Variants in CTIF observed in about 807,000 individuals in gnomAD.
CTIF encodes the protein cap binding complex dependent translation initiation factor.
In CTIF, 21 loss-of-function variants were observed where a neutral mutation model predicts 66.0. The observed-to-expected ratio is 0.32, with a 90% CI of 0.23 to 0.46. The LOEUF is 0.46. CTIF is among the 20% of genes least tolerant of loss of function. The pLI, the probability that CTIF is intolerant of heterozygous loss-of-function variation, is 1.00. For missense variants in CTIF, 739 were observed against 812.7 expected, an observed-to-expected ratio of 0.91 and a Z score of 1.10; for synonymous variants, 345 against 326.4, an observed-to-expected ratio of 1.06 and a Z score of -0.62.
intron 9 of CTIF, among the ~76,000 whole-genome samples, chr18:48,809,226 A>G (rs893082146): frequency 6.6e-6 from 1 of 152,138 alleles, no homozygotes; most frequent in African/African-American, 2.4e-5. Context: ...TTTGTATCTA[A>G]ATATTCTTAT....
chr18:48,650,772 T>C (rs973758904), intron 3 of CTIF, among the ~76,000 whole-genome samples: 8 of 151,908 alleles, frequency 5.3e-5, no homozygotes, highest in Non-Finnish European at 1.2e-4. Flanking sequence ...TAACAGCAGA[T>C]CTCTTGGCAG....
intron 1 of CTIF, chr18:48,566,301 A>C (rs957722461): frequency 9.9e-5 from 15 of 152,270 alleles, no homozygotes; most frequent in African/African-American, 3.6e-4. Flanking sequence ...GTCCTGTTCT[A>C]GCTGCTGGGG....
chr18:48,756,606 T>G (rs1908388684), intron 7 of CTIF, among the ~76,000 whole-genome samples: 1 of 152,238 alleles, frequency 6.6e-6, no homozygotes, highest in Admixed American at 6.5e-5. Flanking sequence ...TTTTACAACC[T>G]TTGCAGAATT....
chr18:48,574,288 CCT>C (rs1376545432), intron 1 of CTIF, among the ~76,000 whole-genome samples: 10 of 152,160 alleles, frequency 6.6e-5, no homozygotes, highest in African/African-American at 2.2e-4. Context: ...TAAATAATTC[CCT>C]GACTATCCTG....
chr18:48,708,491 G>A (rs576845215), intron 6 of CTIF, among the ~76,000 whole-genome samples: 37 of 152,310 alleles, frequency 2.4e-4, no homozygotes, highest in African/African-American at 8.9e-4. Context: ...GAGGTTCCCG[G>A]TGCTGGAAGT....
In CTIF at chr18:48,669,148, G is replaced by A. The variant is rs190042621; in HGVS notation, c.432-1521G>A. On this transcript the variant is annotated intron_variant, in intron 5 of 11. Transcript: ENST00000256413. Reference sequence around the variant, plus strand: ...GCCCTGTTAGAGGAGTTTAGGATTTGTTCTAAGGGCCATCCACTGTCTGAG... The same window carrying A: ...GCCCTGTTAGAGGAGTTTAGGATTTATTCTAAGGGCCATCCACTGTCTGAG... Among the ~76,000 whole-genome samples, 226 of 151,222 alleles carry A rather than the reference G, an allele frequency of 1.5e-3. 2 individuals are homozygous for A. The highest frequency in any genetic ancestry group is 5.5e-3 in the African/African-American group (224 of 40,726).
At chr18:48,787,833 C>G (rs572823728) in intron 9 of CTIF, among the ~76,000 whole-genome samples, 2 of 152,302 alleles carry the variant, frequency 1.3e-5, no homozygotes, top group African/African-American at 4.8e-5. Flanking sequence ...CTGCTCCTCA[C>G]CCAGTTCCCC....
chr18:48,703,381 C>G (rs773566787), intron 6 of CTIF, among the ~76,000 whole-genome samples: 1 of 152,164 alleles, frequency 6.6e-6, no homozygotes, highest in Non-Finnish European at 1.5e-5. Flanking sequence ...GACCTCCCAC[C>G]CCTTCCCTGG....
chr18:48,761,696 G>A lies in CTIF; in HGVS notation c.1371+7G>A. The A allele has an allele frequency of 6.2e-7, 1 of 1,602,044 alleles. No individual in the cohort carries two copies. The highest frequency in any genetic ancestry group is 1.7e-5 in the Admixed American group (1 of 59,798). ...GCTCCTCAACATGCTGCAGGTAACT[G>A]GACGCCGGCCACCACCGCCCCGCGC... is the stretch of plus-strand genomic sequence containing the variant. On this transcript the variant is annotated splice_region_variant and intron_variant, in intron 9 of 11. Coordinates refer to ENST00000256413, the MANE Select transcript of CTIF (RefSeq NM_014772.3). The surrounding 1 kb of genome is among the most constrained non-coding windows in gnomAD (Gnocchi z 4.2).
At chr18:48,847,341 C>T (rs1237611425) in intron 10 of CTIF, among the ~76,000 whole-genome samples, 1 of 151,564 alleles carries the variant, frequency 6.6e-6, no homozygotes, top group Non-Finnish European at 1.5e-5. Flanking sequence ...TGAGCTCCAA[C>T]CAGCAAAATA....
intron 9 of CTIF, among the ~76,000 whole-genome samples, chr18:48,764,536 G>A (rs1475061745): frequency 1.3e-5 from 2 of 152,080 alleles, no homozygotes; most frequent in Non-Finnish European, 2.9e-5. Flanking sequence ...GAAAAGGAAG[G>A]CGCTGGAAGC....
chr18:48,793,550 C>T (rs2067840862), intron 9 of CTIF, among the ~76,000 whole-genome samples: 1 of 152,160 alleles, frequency 6.6e-6, no homozygotes, highest in African/African-American at 2.4e-5. Flanking sequence ...ATGTTTCCTC[C>T]CTCATGATGA....
At chr18:48,677,842 T>A (rs373979905) in intron 6 of CTIF, among the ~76,000 whole-genome samples, 1 of 152,202 alleles carries the variant, frequency 6.6e-6, no homozygotes, top group African/African-American at 2.4e-5. Context: ...CCACCCAGCA[T>A]CTTAGTCCAG....
At chr18:48,782,365 G>C (rs1257194626) in intron 9 of CTIF, among the ~76,000 whole-genome samples, 1 of 152,130 alleles carries the variant, frequency 6.6e-6, no homozygotes, top group Admixed American at 6.5e-5. Flanking sequence ...AGGGATGGGG[G>C]CAGCACTCTG....
At chr18:48,751,944 TATTC>T (rs71976839) in intron 7 of CTIF, among the ~76,000 whole-genome samples, 70,493 of 150,848 alleles carry the variant, frequency 0.47, 16,803 homozygotes, top group Non-Finnish European at 0.51. Context: ...CATCATTTAT[TATTC>T]ATTCATTCAT....
intron 1 of CTIF, among the ~76,000 whole-genome samples, chr18:48,540,553 T>C (rs2088585057): frequency 6.6e-6 from 1 of 150,558 alleles, no homozygotes; most frequent in South Asian, 2.1e-4. Flanking sequence ...CTGGGCGGCG[T>C]TGGCTCTGTT....
intron 7 of CTIF, among the ~76,000 whole-genome samples, chr18:48,749,948 C>G (rs995675801): frequency 6.6e-6 from 1 of 152,216 alleles, no homozygotes; most frequent in Non-Finnish European, 1.5e-5. Flanking sequence ...TGGAAACACT[C>G]CACCAGGTTC....
At chr18:48,655,245 C>T (rs2144810723) in intron 3 of CTIF, among the ~76,000 whole-genome samples, 1 of 143,406 alleles carries the variant, frequency 7.0e-6, no homozygotes, top group Middle Eastern at 3.7e-3. Flanking sequence ...GCCGAGGTTG[C>T]AGTAAGCTGA....
intron 2 of CTIF, among the ~76,000 whole-genome samples, chr18:48,631,940 T>G (rs1262748426): frequency 1.3e-5 from 2 of 152,198 alleles, no homozygotes; most frequent in Non-Finnish European, 2.9e-5. Context: ...AGGTGGACCC[T>G]TCTTCATTCT....
Sources: gnomAD v4.1 joint callset for allele counts (sites outside exome capture counted in the v4.1 genomes callset) on GRCh38, gnomAD v4.1.1 for gene constraint, Gnocchi (gnomAD v3.1) non-coding constraint, MANE v1.5 for transcripts, NCBI Gene and HGNC (gene_info 2026-07-23, HGNC 2026-07-21) for gene names.